The following AUTS2 variants were observed in gnomAD, a reference collection of about 807,000 sequenced individuals.
AUTS2 encodes autism susceptibility gene 2 protein.
A neutral mutation model predicts 112.4 loss-of-function variants in AUTS2; 17 were observed. The ratio of observed to expected loss-of-function variants is 0.15; its 90% CI spans 0.10 to 0.23. AUTS2 has a LOEUF of 0.23. Among genes scored for constraint, AUTS2 ranks in the 10% least tolerant of loss-of-function variants. AUTS2 has a pLI of 1.00. For synonymous variants in AUTS2, 751 were observed against 702.7 expected, an observed-to-expected ratio of 1.07 and a Z score of -1.09; for missense variants, 1,510 against 1,701.6, an observed-to-expected ratio of 0.89 and a Z score of 1.98.
At chr7:70,375,103 A>G (rs1420276932) in intron 4 of AUTS2, among the ~76,000 whole-genome samples, 1 of 152,232 alleles carries the variant, frequency 6.6e-6, no homozygotes, top group Non-Finnish European at 1.5e-5. Flanking sequence ...GCTTGTAGTC[A>G]GAAGCCCTTT....
At chr7:70,332,539 G>T (rs189781232) in intron 4 of AUTS2, among the ~76,000 whole-genome samples, 1 of 152,038 alleles carries the variant, frequency 6.6e-6, no homozygotes, top group Middle Eastern at 3.2e-3. Context: ...AGCTGGAGGC[G>T]TCATGCTACC....
intron 5 of AUTS2, among the ~76,000 whole-genome samples, chr7:70,544,050 T>G (rs1455185082): frequency 6.6e-6 from 1 of 152,174 alleles, no homozygotes; most frequent in African/African-American, 2.4e-5. Flanking sequence ...GCATCTTCTG[T>G]CAGAAGGAGA....
intron 4 of AUTS2, among the ~76,000 whole-genome samples, chr7:70,161,583 C>T (rs562396744): frequency 1.1e-4 from 17 of 149,256 alleles, no homozygotes; most frequent in African/African-American, 2.7e-4. Context: ...GCAACTAGAT[C>T]GGTTAACCTT....
At chr7:70,212,145 G>C (rs1222959617) in intron 4 of AUTS2, among the ~76,000 whole-genome samples, 1 of 152,154 alleles carries the variant, frequency 6.6e-6, no homozygotes, top group Non-Finnish European at 1.5e-5. Context: ...CTTATTTGAG[G>C]CTAGTTTTGT....
chr7:69,673,250 T>C (rs1329489785), intron 1 of AUTS2, among the ~76,000 whole-genome samples: 1 of 152,132 alleles, frequency 6.6e-6, no homozygotes, highest in Admixed American at 6.6e-5. Flanking sequence ...CAAGAGATTG[T>C]GGTGCTAAAA....
chr7:70,218,671 C>A (rs1811301100), intron 4 of AUTS2, among the ~76,000 whole-genome samples: 1 of 152,186 alleles, frequency 6.6e-6, no homozygotes, highest in South Asian at 2.1e-4. Context: ...ACTTAATTCA[C>A]AAAGTGTGCG....
At chr7:69,948,773 C>CATTTATTTATTT (rs36128585) in intron 2 of AUTS2, among the ~76,000 whole-genome samples, 42 of 147,130 alleles carry the variant, frequency 2.9e-4, no homozygotes, top group Middle Eastern at 3.5e-3. Flanking sequence ...AATTTTCTTT[C>CATTTATTTATTT]ATTTATTTAT....
intron 3 of AUTS2, among the ~76,000 whole-genome samples, chr7:70,125,348 AT>A (rs1805912697): frequency 1.3e-5 from 2 of 150,826 alleles, no homozygotes; most frequent in African/African-American, 2.4e-5. Flanking sequence ...TCTAAAGATA[AT>A]TTTTCCCCCA....
intron 4 of AUTS2, among the ~76,000 whole-genome samples, chr7:70,350,778 G>T (rs912778766): frequency 1.3e-5 from 2 of 152,100 alleles, no homozygotes; most frequent in South Asian, 2.1e-4. Flanking sequence ...CAAATTTTCA[G>T]TCTACAATAT....
intron 1 of AUTS2, among the ~76,000 whole-genome samples, chr7:69,694,096 C>T (rs1477496053): frequency 6.6e-6 from 1 of 152,154 alleles, no homozygotes; most frequent in African/African-American, 2.4e-5. Flanking sequence ...TTTTTACTTG[C>T]AGTGATGGCT....
chr7:70,710,132 C>G (rs1304183498), intron 6 of AUTS2, among the ~76,000 whole-genome samples: 1 of 149,960 alleles, frequency 6.7e-6, no homozygotes, highest in Non-Finnish European at 1.5e-5. Flanking sequence ...TAAAACCCCA[C>G]TGTATATATA....
At chr7:70,481,812 G>A (rs1181756625) in intron 5 of AUTS2, among the ~76,000 whole-genome samples, 1 of 152,172 alleles carries the variant, frequency 6.6e-6, no homozygotes, top group Non-Finnish European at 1.5e-5. Flanking sequence ...GTGGAGGCAC[G>A]ATTGCTTAGG....
At chr7:69,776,729 A>G (rs948354679) in intron 1 of AUTS2, among the ~76,000 whole-genome samples, 41 of 152,306 alleles carry the variant, frequency 2.7e-4, no homozygotes, top group Admixed American at 2.2e-3. Context: ...AAAAATGTAA[A>G]TATTAGGTCT....
chr7:69,844,545 A>G (rs889752571), intron 1 of AUTS2, among the ~76,000 whole-genome samples: 3 of 152,198 alleles, frequency 2.0e-5, no homozygotes, highest in African/African-American at 4.8e-5. Flanking sequence ...CCTCTTTCAG[A>G]TATGAGTAAT....
In AUTS2 at chr7:70,290,485, G is replaced by T. The variant is rs749105983; in HGVS notation, c.661-145267G>T. ...TAATAGGGAGAGTTTCTTTTCTCTC[G>T]TCAAATTGCTTAAAGGATTCTAGTT... On this transcript the variant is annotated intron_variant, in intron 4 of 18. Transcript: ENST00000342771. 1 of 1,539,812 alleles carries T rather than the reference G, an allele frequency of 6.5e-7. No individual in the cohort carries two copies. Among genetic ancestry groups the T allele is most frequent in the South Asian group, 1.2e-5 (1 of 81,230 alleles).
At chr7:70,774,174 T>C in intron 12 of AUTS2, 75 bp downstream of exon 12, 3 of 1,376,674 alleles carry the variant, frequency 2.2e-6, no homozygotes, top group Non-Finnish European at 3.1e-6. Context: ...AGCCCAGTGC[T>C]CGCATCTTCC....
intron 2 of AUTS2, among the ~76,000 whole-genome samples, chr7:70,022,831 C>T (rs567979293): frequency 6.6e-6 from 1 of 151,748 alleles, no homozygotes; most frequent in South Asian, 2.1e-4. Context: ...CCCTCTAACT[C>T]GTGATACCAT....
intron 4 of AUTS2, chr7:70,292,533 AAAG>A (rs2129612117): frequency 6.6e-6 from 1 of 152,388 alleles, no homozygotes; most frequent in East Asian, 1.9e-4. Flanking sequence ...CACATTTCAT[AAAG>A]AAGAAGGGTA....
chr7:70,572,112 C>T (rs889826434), intron 5 of AUTS2, among the ~76,000 whole-genome samples: 4 of 152,126 alleles, frequency 2.6e-5, no homozygotes, highest in Non-Finnish European at 5.9e-5. Flanking sequence ...GTTATGCATT[C>T]GAGTTCCCAT....
Sources: gnomAD v4.1 joint callset for allele counts (sites outside exome capture counted in the v4.1 genomes callset) on GRCh38, gnomAD v4.1.1 for gene constraint, MANE v1.5 for transcripts, NCBI Gene and HGNC (gene_info 2026-07-23, HGNC 2026-07-21) for gene names.